The following RIT2 variants were observed in gnomAD, a reference collection of about 807,000 sequenced individuals.
RIT2 encodes the protein GTP-binding protein Rit2.
Under a neutral mutation model 23.7 loss-of-function variants are expected in RIT2, and 24 were observed. The observed-to-expected ratio is 1.01, with a 90% CI of 0.73 to 1.43. The LOEUF (loss-of-function observed/expected upper bound fraction) is 1.43, where lower values mean the gene tolerates loss of function less well. Among genes scored for constraint, RIT2 ranks in the 40% most tolerant of loss-of-function variants. RIT2 has a pLI of 0.00. For synonymous variants in RIT2, 107 were observed against 91.1 expected (o/e 1.17, Z -0.99); for missense variants, 236 against 266.9 (o/e 0.88, Z 0.81).
Position 42,808,587 on chromosome 18 carries a change from TC to T in RIT2, c.427-64868del, listed in dbSNP as rs1257844511. ...GGCAAAAAAGAATTCGTTTTTTTTT[TC>T]ATGATGAATAAGAGGGAAAGGCATA... On this transcript the variant is annotated intron_variant, in intron 4 of 4. Coordinates refer to ENST00000326695, the MANE Select transcript of RIT2 (RefSeq NM_002930.4). Among the ~76,000 whole-genome samples, 6 of 151,824 alleles carry T rather than the reference TC, an allele frequency of 4.0e-5. No individual in the cohort carries two copies. The South Asian group carries it at 6.2e-4, about 16-fold the overall frequency.
rs920524906 is a variant in RIT2, at chr18:42,958,963, C to A, written c.234+15111G>T. Among the ~76,000 whole-genome samples, 8 of 152,274 alleles carry A rather than the reference C, an allele frequency of 5.3e-5. No homozygotes were observed. In the South Asian group the frequency reaches 6.2e-4, roughly 12 times the overall value. ...GCCAACAATAGTTTTTATTTCCTCC[C>A]TTATCTGCCTCCTGAACTCAAGATC... On this transcript the variant is annotated intron_variant, in intron 3 of 4. Coordinates refer to ENST00000326695, the MANE Select transcript of RIT2 (RefSeq NM_002930.4).
chr18:42,758,352 A>G (rs530071688), intron 4 of RIT2, among the ~76,000 whole-genome samples: 3 of 152,292 alleles, frequency 2.0e-5, no homozygotes, highest in Non-Finnish European at 2.9e-5. Context: ...TTGCAAAAGT[A>G]CCATTCTTAC....
At chr18:42,994,309 C>A (rs1003341450) in intron 2 of RIT2, among the ~76,000 whole-genome samples, 1 of 152,112 alleles carries the variant, frequency 6.6e-6, no homozygotes, top group Non-Finnish European at 1.5e-5. Flanking sequence ...TTACCTAGCT[C>A]GGCATAATTC....
intron 2 of RIT2, among the ~76,000 whole-genome samples, chr18:43,026,358 G>A (rs1279848176): frequency 2.0e-5 from 3 of 151,780 alleles, no homozygotes; most frequent in South Asian, 4.2e-4. Context: ...GATTGAGAAC[G>A]TCCTGACCAA....
intron 4 of RIT2, among the ~76,000 whole-genome samples, chr18:42,802,309 G>T (rs1905561217): frequency 1.3e-5 from 2 of 152,140 alleles, no homozygotes; most frequent in South Asian, 4.1e-4. Flanking sequence ...TGCATGCTCA[G>T]CATGAACGAA....
At chr18:42,963,731 A>T (rs763384022) in intron 3 of RIT2, among the ~76,000 whole-genome samples, 2 of 151,556 alleles carry the variant, frequency 1.3e-5, no homozygotes, top group Non-Finnish European at 2.9e-5. Context: ...CATTTCTACT[A>T]AAAAAAATAC....
chr18:42,793,018 T>A (rs193232578), intron 4 of RIT2, among the ~76,000 whole-genome samples: 8 of 152,104 alleles, frequency 5.3e-5, no homozygotes, highest in Admixed American at 2.6e-4. Context: ...AGTTAGAAAA[T>A]GCTCCCTCTT....
At chr18:42,892,144 G>A (rs1908196607) in intron 4 of RIT2, among the ~76,000 whole-genome samples, 1 of 152,136 alleles carries the variant, frequency 6.6e-6, no homozygotes, top group African/African-American at 2.4e-5. Flanking sequence ...CAAGGTTCAT[G>A]CTCGCCTCCT....
At chr18:42,855,476 T>C (rs1357605573) in intron 4 of RIT2, among the ~76,000 whole-genome samples, 1 of 152,194 alleles carries the variant, frequency 6.6e-6, no homozygotes, top group African/African-American at 2.4e-5. Flanking sequence ...AATTCTGTGA[T>C]AACTCACTTT....
rs674340 is a variant in RIT2 at position 42,864,989 on chromosome 18, C to G, written c.426+58583G>C. 4.6e-5 allele frequency among the ~76,000 whole-genome samples: 7 copies of G among 152,276 alleles called. 1 individual carries two copies. In the South Asian group the frequency reaches 1.2e-3, roughly 27 times the overall value. On this transcript the variant is annotated intron_variant, in intron 4 of 4. Coordinates refer to ENST00000326695, the MANE Select transcript of RIT2 (RefSeq NM_002930.4). Reference sequence around the variant, plus strand: ...GCTCTTTGGGAACCTGAGCTTCAGTCTGATTGACAAGAGTCCATATCTTGT... The same window carrying G: ...GCTCTTTGGGAACCTGAGCTTCAGTGTGATTGACAAGAGTCCATATCTTGT...
intron 4 of RIT2, among the ~76,000 whole-genome samples, chr18:42,803,778 T>A (rs1332875676): frequency 1.3e-5 from 2 of 152,198 alleles, no homozygotes; most frequent in Non-Finnish European, 2.9e-5. Flanking sequence ...ACAACATTGC[T>A]TTGATAAAAA....
chr18:43,069,110 A>G (rs893489064), intron 1 of RIT2, among the ~76,000 whole-genome samples: 2 of 152,306 alleles, frequency 1.3e-5, no homozygotes, highest in East Asian at 1.9e-4. Flanking sequence ...TGCTTTAAAG[A>G]TAGTATCAAT....
At chr18:42,938,983 C>A (rs1355600899) in intron 3 of RIT2, among the ~76,000 whole-genome samples, 1 of 152,082 alleles carries the variant, frequency 6.6e-6, no homozygotes, top group Admixed American at 6.6e-5. Context: ...TGGGCTCAAG[C>A]AATACTCCTG....
chr18:42,803,161 T>C (rs1905589305), intron 4 of RIT2, among the ~76,000 whole-genome samples: 1 of 152,250 alleles, frequency 6.6e-6, no homozygotes, highest in Non-Finnish European at 1.5e-5. Flanking sequence ...ATTATCTGCG[T>C]ATTTATCGTT....
At chr18:43,012,562 T>G (rs542373632) in intron 2 of RIT2, among the ~76,000 whole-genome samples, 3 of 151,832 alleles carry the variant, frequency 2.0e-5, no homozygotes, top group Non-Finnish European at 4.4e-5. Flanking sequence ...CCTTTTCTGA[T>G]TTTTAAGTGT....
chr18:42,910,225 A>G (rs62089939), intron 4 of RIT2, among the ~76,000 whole-genome samples: 20,257 of 152,168 alleles, frequency 0.13, 2,112 homozygotes, highest in East Asian at 0.6. Context: ...AACAAATAAT[A>G]AAAAGGCAGA....
intron 2 of RIT2, among the ~76,000 whole-genome samples, chr18:43,006,620 A>T (rs867735555): frequency 2.4e-4 from 37 of 151,658 alleles, no homozygotes; most frequent in Middle Eastern, 6.3e-3. Context: ...ATGCCTTAAG[A>T]GTTGTGAAAG....
intron 1 of RIT2, among the ~76,000 whole-genome samples, chr18:43,085,370 A>AT (rs59978387): frequency 2.6e-5 from 4 of 151,986 alleles, no homozygotes; most frequent in African/African-American, 9.7e-5. Flanking sequence ...AAAAAAATCT[A>AT]TTTTTTTAGC....
intron 2 of RIT2, among the ~76,000 whole-genome samples, chr18:43,004,585 A>G (rs1207718424): frequency 6.6e-6 from 1 of 151,824 alleles, no homozygotes; most frequent in Non-Finnish European, 1.5e-5. Flanking sequence ...GGGAAGTGCA[A>G]TTAGTCCATT....
Sources: allele counts gnomAD v4.1 joint callset (sites outside exome capture counted in the v4.1 genomes callset), GRCh38; gene constraint gnomAD v4.1.1; transcripts MANE v1.5; gene names NCBI Gene and HGNC (gene_info 2026-07-23, HGNC 2026-07-21).